SNX19: variants seen among roughly 807,000 people sequenced by gnomAD.
SNX19 encodes sorting nexin 19, also known as sorting nexin-19.
In SNX19, 60 loss-of-function variants were observed where a neutral mutation model predicts 85.2. That is an observed-to-expected ratio of 0.70 (90% CI 0.57 to 0.87). The LOEUF is 0.87. Ranked by LOEUF, SNX19 falls within the 40% of genes least tolerant of loss-of-function variation. The pLI, the probability that SNX19 is intolerant of heterozygous loss-of-function variation, is 0.00. For synonymous variants in SNX19, 520 were observed against 470.0 expected (o/e 1.11, Z -1.38); for missense variants, 1,201 against 1,217.8 (o/e 0.99, Z 0.21).
intron 8 of SNX19, among the ~76,000 whole-genome samples, chr11:130,893,396 G>T (rs1009609470): frequency 6.6e-6 from 1 of 152,062 alleles, no homozygotes; most frequent in Non-Finnish European, 1.5e-5. Context: ...GCCTTGAGGA[G>T]AATAAAGAAT....
At chr11:130,896,181 G>A (rs995314716) in intron 8 of SNX19, among the ~76,000 whole-genome samples, 5 of 152,222 alleles carry the variant, frequency 3.3e-5, no homozygotes, top group African/African-American at 1.2e-4. Context: ...CGTATTTCTA[G>A]AAAAGCTGTG....
rs948227102 is a variant in SNX19 at position 130,886,323 on chromosome 11, A to G, written c.2574-5517T>C. 3.3e-5 allele frequency among the ~76,000 whole-genome samples: 5 copies of G among 152,146 alleles called. No individual in the cohort carries two copies. In the East Asian group the frequency reaches 9.6e-4, roughly 29 times the overall value. Reference sequence around the variant, plus strand: ...ATATATCAGATCTGCGTGCATGCATATGTGTGTATGCGCCTGTGCCTATGT... The same window carrying G: ...ATATATCAGATCTGCGTGCATGCATGTGTGTGTATGCGCCTGTGCCTATGT... On this transcript the variant is annotated intron_variant, in intron 8 of 10. Transcript: ENST00000265909.
At position 130,914,470 on chromosome 11, in the gene SNX19, A is replaced by G. The variant is rs1352839781; in HGVS notation, c.1470T>C (p.Asp490=). The change falls in exon 1 of 11, where the codon GAT becomes GAC. Residue 490 remains aspartate (D), a synonymous_variant. Transcript: ENST00000265909. ...GCAGAGTAGGATCAAGGGAGCTCAC[A>G]TCATTGGTGAGATCCTTCTCTAAGC... ...PSCLEKDLTN[D]VSSLDPTLPP... 5 of 1,613,752 alleles carry G rather than the reference A, an allele frequency of 3.1e-6. No individual in the cohort carries two copies. The Admixed American group carries it at 5.0e-5, about 16-fold the overall frequency.
intron 8 of SNX19, among the ~76,000 whole-genome samples, chr11:130,891,475 A>G (rs1313002315): frequency 6.6e-6 from 1 of 152,176 alleles, no homozygotes; most frequent in African/African-American, 2.4e-5. Flanking sequence ...TGTTTGGTCA[A>G]TTTTCCTGGG....
intron 8 of SNX19, among the ~76,000 whole-genome samples, chr11:130,899,482 T>C (rs762381379): frequency 2.0e-5 from 3 of 152,284 alleles, no homozygotes; most frequent in Non-Finnish European, 4.4e-5. Context: ...ATTAAAAAGA[T>C]GGGAAAAATG....
Position 130,915,147 on chromosome 11 carries a change from C to T in SNX19, c.793G>A (p.Val265Met), listed in dbSNP as rs780974643. ...SDPDWIHLVLVGIFSKARDPA... is the reference protein window; with the variant it reads ...SDPDWIHLVLMGIFSKARDPA... ...TCTCTGGCCTTGGAAAAGATACCCA[C>T]GAGTACAAGGTGGATCCAGTCAGGA... is the stretch of plus-strand genomic sequence containing the variant. The change falls in exon 1 of 11, where the codon GTG becomes ATG. Residue 265 changes from valine to methionine, a missense_variant. Physicochemically the swap from Val to Met is conservative, Grantham distance 21. This residue lies in a region of SNX19 where 791 missense variants were observed against 750.9 expected (regional missense o/e 1.05). Coordinates refer to ENST00000265909, the MANE Select transcript of SNX19 (RefSeq NM_014758.3). The T allele has an allele frequency of 5.0e-6, 8 of 1,613,848 alleles. No individual in the cohort carries two copies. Among genetic ancestry groups the T allele is most frequent in the Admixed American group, 1.7e-5 (1 of 60,004 alleles).
In SNX19 at chr11:130,880,756, T is replaced by C. The variant is rs376835065; in HGVS notation, c.2624A>G (p.Gln875Arg). 1.3e-5 allele frequency: 21 copies of C among 1,607,606 alleles called. No homozygotes were observed. The highest frequency in any genetic ancestry group is 1.7e-5 in the Non-Finnish European group (20 of 1,175,034). Residue 875 changes from glutamine (Q) to arginine (R), a missense_variant, in exon 9 of 11, where the codon CAG becomes CGG. By Grantham distance (43) the Gln-to-Arg change is conservative (BLOSUM62 1). Around this residue, in one of 3 missense-constraint regions of SNX19, gnomAD observed 285 missense variants for 295.3 expected, o/e 0.97. Transcript: ENST00000265909. ...GGACTCCTGAAGAAGCAGGAGGTAC[T>C]GCACCCAGCGCTGTGGACTTGTTAA... ...ANLTSPQRWV[Q>R]YLLLLQESIW...
At chr11:130,912,237 A>G (rs59562062) in intron 1 of SNX19, among the ~76,000 whole-genome samples, 1,783 of 152,322 alleles carry the variant, frequency 0.012, 31 homozygotes, top group African/African-American at 0.04. Context: ...TATCTGGAAT[A>G]AATTAAAGGG....
rs989171306 is a variant in SNX19, at chr11:130,877,076, C to G, written c.*1346G>C. Reference sequence around the variant, plus strand: ...TTTTGACACCCCATTGCCTTCTCATCAGTCTAACTCCAAGACCTTCCTCCG... The same window carrying G: ...TTTTGACACCCCATTGCCTTCTCATGAGTCTAACTCCAAGACCTTCCTCCG... On this transcript the variant is annotated 3_prime_UTR_variant, in exon 11 of 11. Coordinates refer to ENST00000265909, the MANE Select transcript of SNX19 (RefSeq NM_014758.3). The G allele has an allele frequency of 2.6e-5, 4 of 152,268 alleles. No individual in the cohort carries two copies. The highest frequency in any genetic ancestry group is 9.6e-5 in the African/African-American group (4 of 41,470). The allele number at this position is 152,268 out of a possible 1,614,324, so 9.4% of individuals were successfully genotyped here.
chr11:130,883,012 A>T (rs1178215100), intron 8 of SNX19, among the ~76,000 whole-genome samples: 2 of 152,234 alleles, frequency 1.3e-5, no homozygotes, highest in Non-Finnish European at 2.9e-5. Flanking sequence ...CTTTTGAATG[A>T]ACATTAATTT....
At chr11:130,909,197 T>C (rs972154268) in intron 4 of SNX19, among the ~76,000 whole-genome samples, 2 of 152,208 alleles carry the variant, frequency 1.3e-5, no homozygotes, top group Non-Finnish European at 2.9e-5. Context: ...AGTAAGTAGA[T>C]GTGGAAATAA....
At chr11:130,891,623 T>C (rs994598066) in intron 8 of SNX19, among the ~76,000 whole-genome samples, 93 of 152,102 alleles carry the variant, frequency 6.1e-4, no homozygotes, top group African/African-American at 2.2e-3. Flanking sequence ...AACCCATTAT[T>C]TGAAACTAGT....
chr11:130,909,902 G>C, intron 4 of SNX19, 116 bp downstream of exon 4: 2 of 1,361,868 alleles, frequency 1.5e-6, no homozygotes, highest in Non-Finnish European at 2.0e-6. Flanking sequence ...TGACGGCTCT[G>C]TGCTGCCCCT....
intron 7 of SNX19, chr11:130,905,658 G>A (rs1945608595): frequency 6.7e-7 from 1 of 1,497,760 alleles, no homozygotes; most frequent in African/African-American, 1.4e-5. Context: ...AGTCTGATAT[G>A]CCAAAGCATG....
intron 1 of SNX19, among the ~76,000 whole-genome samples, chr11:130,913,891 T>C (rs535492272): frequency 8.5e-6 from 1 of 117,742 alleles, no homozygotes; most frequent in Admixed American, 8.4e-5. Flanking sequence ...GAGAGTTCTA[T>C]TTGAAAATAA....
At position 130,870,586 on chromosome 11, in the gene SNX19, A is replaced by G. The variant is rs1049500438; in HGVS notation, c.*7836T>C. ...TCCACTGGAATAAGTGGTTAATCTC[A>G]AAGAGGTTTACGGTGGTTTCTCCAC... On this transcript the variant is annotated 3_prime_UTR_variant, in exon 11 of 11. Coordinates refer to ENST00000265909, the MANE Select transcript of SNX19 (RefSeq NM_014758.3). Among the ~76,000 whole-genome samples, 1 of 152,152 alleles carries G rather than the reference A, an allele frequency of 6.6e-6. No individual in the cohort carries two copies. Among genetic ancestry groups the G allele is most frequent in the Non-Finnish European group, 1.5e-5 (1 of 68,018 alleles).
chr11:130,909,266 T>G (rs1404333210), intron 4 of SNX19, among the ~76,000 whole-genome samples: 1 of 152,192 alleles, frequency 6.6e-6, no homozygotes, highest in African/African-American at 2.4e-5. Context: ...CCTTTTTAGT[T>G]TGTAGTTTTT....
chr11:130,879,609 C>CA lies in SNX19; in HGVS notation c.2846+14dup, dbSNP rs755044808. The CA allele has an allele frequency of 2.5e-6, 4 of 1,611,506 alleles. No individual in the cohort carries two copies. In the South Asian group the frequency reaches 4.4e-5, roughly 18 times the overall value. On this transcript the variant is annotated intron_variant, in intron 10 of 10. Transcript: ENST00000265909. ...TGTAACTATGCTGATGTTGGAATAA[C>CA]ATTTTCCCACTTACCTGTTGATGAG... is the stretch of plus-strand genomic sequence containing the variant.
rs1238147256 is a variant in SNX19, at chr11:130,914,856, G to A, written c.1084C>T (p.Arg362Ter). ...NSSHFLQPNV[R>*]GPLFLCEDSE... Reference sequence around the variant, plus strand: ...TCTTCACATAAGAACAGGGGACCTCGAACATTTGGCTGTAGGAAATGAGAT... The same window carrying A: ...TCTTCACATAAGAACAGGGGACCTCAAACATTTGGCTGTAGGAAATGAGAT... Residue 362 changes from arginine to a stop codon, truncating the protein, a stop_gained, in exon 1 of 11, where the codon CGA becomes TGA. Transcript: ENST00000265909. LOFTEE classifies it high-confidence loss of function. 3 of 1,614,072 alleles carry A rather than the reference G, an allele frequency of 1.9e-6. No homozygotes were observed. The highest frequency in any genetic ancestry group is 2.5e-6 in the Non-Finnish European group (3 of 1,180,038).
Sources: gnomAD v4.1 joint callset for allele counts (sites outside exome capture counted in the v4.1 genomes callset) on GRCh38, gnomAD v4.1.1 for gene constraint, gnomAD v4.1.1 regional missense constraint, MANE v1.5 for transcripts, NCBI Gene and HGNC (gene_info 2026-07-23, HGNC 2026-07-21) for gene names.